RND1: variants seen among roughly 807,000 people sequenced by gnomAD.
RND1 encodes Rho family GTPase 1.
Under a neutral mutation model 27.1 loss-of-function variants are expected in RND1, and 9 were observed. The ratio of observed to expected loss-of-function variants is 0.33; its 90% CI spans 0.20 to 0.58. The LOEUF is 0.58. Among genes scored for constraint, RND1 ranks in the 20% least tolerant of loss-of-function variants. The pLI is 0.86. For synonymous variants in RND1, 108 were observed against 115.7 expected (o/e 0.93, Z 0.43); for missense variants, 253 against 292.2 (o/e 0.87, Z 0.98).
chr12:48,858,414 C>T (rs1366132390), intron 4 of RND1, 173 bp from the exon 5 acceptor site: 22 of 640,152 alleles, frequency 3.4e-5, no homozygotes, highest in African/African-American at 2.5e-4. Flanking sequence ...TTTTGGCATA[C>T]ACCCTGTCTG....
intron 2 of RND1, among the ~76,000 whole-genome samples, chr12:48,863,315 C>T (rs184294764): frequency 3.9e-5 from 6 of 152,036 alleles, no homozygotes; most frequent in African/African-American, 4.8e-5. Context: ...TTTATCCTTT[C>T]GGAAATTGGG....
chr12:48,864,640 G>T, intron 2 of RND1, 143 bp downstream of exon 2: 1 of 695,328 alleles, frequency 1.4e-6, no homozygotes. Flanking sequence ...TCCACCAACT[G>T]TCAGCCCTCC....
rs1262169341 is a variant in RND1, at chr12:48,864,836, G to A, written c.155C>T (p.Ala52Val). The change falls in exon 2 of 5, where the codon GCC becomes GTC. Residue 52 changes from alanine (A) to valine (V), a missense_variant. Physicochemically the swap from Ala to Val is moderately conservative, Grantham distance 64. Transcript: ENST00000309739. ...YVPTVFENYT[A>V]CLETEEQRVE... ...CCTCTGTTCCTCTGTCTCCAAACAG[G>A]CTGTGTAATTTTCGAACACGGTGGG... The A allele has an allele frequency of 1.2e-6, 2 of 1,613,930 alleles. No homozygotes were observed. Among genetic ancestry groups the A allele is most frequent in the East Asian group, 2.2e-5 (1 of 44,890 alleles).
chr12:48,864,416 TGCGCGCGC>T (rs57360089), intron 2 of RND1, among the ~76,000 whole-genome samples: 2 of 135,458 alleles, frequency 1.5e-5, no homozygotes, highest in Admixed American at 7.1e-5. Flanking sequence ...TGTGTGTGTG[TGCGCGCGC>T]GCGCGTGTGT....
chr12:48,863,431 G>A (rs1439588792), intron 2 of RND1, among the ~76,000 whole-genome samples: 1 of 152,116 alleles, frequency 6.6e-6, no homozygotes, highest in Non-Finnish European at 1.5e-5. Context: ...GAGGAGGTGG[G>A]GGGAGGGCGT....
chr12:48,864,416 TGCGCGCGCGCGC>T (rs57360089), intron 2 of RND1, among the ~76,000 whole-genome samples: 5 of 135,460 alleles, frequency 3.7e-5, no homozygotes, highest in African/African-American at 1.4e-4. Context: ...TGTGTGTGTG[TGCGCGCGCGCGC>T]GTGTGTGTGC....
At position 48,859,499 on chromosome 12, in the gene RND1, C is replaced by A. The variant is rs1938890114; in HGVS notation, c.454-1258G>T. Among the ~76,000 whole-genome samples the A allele has an allele frequency of 2.6e-5, 4 of 152,042 alleles. No homozygotes were observed. In the South Asian group the frequency reaches 8.3e-4, roughly 32 times the overall value. On this transcript the variant is annotated intron_variant, in intron 4 of 4. Coordinates refer to ENST00000309739, the MANE Select transcript of RND1 (RefSeq NM_014470.4). ...AGGTTGCAGTGAGCTGAGATCGCAC[C>A]ACTGCACTCCAGCCTGGGTGACAAG...
chr12:48,859,365 C>T (rs1938888253), intron 4 of RND1: 1 of 151,822 alleles, frequency 6.6e-6, no homozygotes, highest in South Asian at 2.1e-4. Flanking sequence ...ATGGTGAAAC[C>T]CCATCTCTAC....
chr12:48,857,829 C>T lies in RND1; in HGVS notation c.*167G>A, dbSNP rs1206294244. 9.7e-6 allele frequency: 7 copies of T among 723,442 alleles called. No homozygotes were observed. The highest frequency in any genetic ancestry group is 2.5e-5 in the South Asian group (1 of 39,712). 44.8% of individuals were successfully genotyped at this position (723,442 alleles called of 1,614,324 possible). A position where few individuals can be genotyped will look rare whatever the true frequency, so the allele number is the denominator to read the frequency against. On this transcript the variant is annotated 3_prime_UTR_variant, in exon 5 of 5. Transcript: ENST00000309739. ...CTCTCTCAGCGTCAGGTCCTCATGC[C>T]GGGCCTGGCTCCTTCCTCGCCCCAT...
At position 48,862,112 on chromosome 12, in the gene RND1, G is replaced by A; in HGVS notation, c.215C>T (p.Pro72Leu). The change falls in exon 3 of 5, where the codon CCC (proline) becomes CTC (leucine). Residue 72 changes from proline to leucine, a missense_variant. Pro to Leu is a moderately conservative substitution (Grantham distance 98). Coordinates refer to ENST00000309739, the MANE Select transcript of RND1 (RefSeq NM_014470.4). ...GAGTGGACGGACATTATCGTAGTAG[G>A]GAGATCCTGGTGTAGGCCAGAAAGA... is the stretch of plus-strand genomic sequence containing the variant. Reference protein sequence around the residue: ...ELSLWDTSGSPYYDNVRPLCY... With the variant: ...ELSLWDTSGSLYYDNVRPLCY... The A allele has an allele frequency of 6.2e-7, 1 of 1,601,754 alleles. No individual in the cohort carries two copies. The highest frequency in any genetic ancestry group is 8.6e-7 in the Non-Finnish European group (1 of 1,169,090).
At position 48,865,710 on chromosome 12, in the gene RND1, C is replaced by A. The variant is rs1254998824; in HGVS notation, c.58G>T (p.Gly20Trp). ...VVARCKLVLVGDVQCGKTAML... is the reference protein window; with the variant it reads ...VVARCKLVLVWDVQCGKTAML... ...GCGGTCTTCCCACACTGCACGTCCC[C>A]GACCAGAACGAGCTTACATCTGGCC... Residue 20 changes from glycine to tryptophan, a missense_variant, in exon 1 of 5, where the codon GGG becomes TGG. Gly to Trp is a radical substitution (Grantham distance 184). Transcript: ENST00000309739. The A allele has an allele frequency of 1.2e-6, 2 of 1,613,956 alleles. No homozygotes were observed. Among genetic ancestry groups the A allele is most frequent in the East Asian group, 2.2e-5 (1 of 44,874 alleles).
intron 2 of RND1, among the ~76,000 whole-genome samples, chr12:48,862,787 G>A (rs1044932576): frequency 6.6e-6 from 1 of 152,208 alleles, no homozygotes. Flanking sequence ...TTCGTTGGAA[G>A]GGAAATAGGC....
At chr12:48,864,194 G>A (rs930742018) in intron 2 of RND1, among the ~76,000 whole-genome samples, 1 of 152,108 alleles carries the variant, frequency 6.6e-6, no homozygotes, top group African/African-American at 2.4e-5. Flanking sequence ...TCATCCCCGA[G>A]CTGCAGCGGT....
chr12:48,859,968 G>A (rs1938898328), intron 4 of RND1, among the ~76,000 whole-genome samples: 2 of 152,112 alleles, frequency 1.3e-5, no homozygotes, highest in South Asian at 4.1e-4. Context: ...TGTAGAGACG[G>A]GGTTTCACCA....
chr12:48,860,738 C>T (rs994112048), intron 4 of RND1, among the ~76,000 whole-genome samples: 1 of 151,984 alleles, frequency 6.6e-6, no homozygotes, highest in Non-Finnish European at 1.5e-5. Context: ...TAACAAACAC[C>T]TCTAATGATT....
At chr12:48,865,048 C>T (rs1938969462) in intron 1 of RND1, among the ~76,000 whole-genome samples, 178 bp from the exon 2 acceptor site, 1 of 152,184 alleles carries the variant, frequency 6.6e-6, no homozygotes, top group Non-Finnish European at 1.5e-5. Flanking sequence ...TGCTCTGCAG[C>T]AGTGAGAAAT....
At chr12:48,859,020 G>C (rs1350679686) in intron 4 of RND1, 1 of 147,708 alleles carries the variant, frequency 6.8e-6, no homozygotes, top group African/African-American at 2.5e-5. Context: ...GTGCAGTGGC[G>C]CGATCTCGGC....
At chr12:48,865,217 A>C in intron 1 of RND1, 1 of 383,276 alleles carries the variant, frequency 2.6e-6, no homozygotes, top group Admixed American at 3.8e-5. Context: ...ATCTCCTCTC[A>C]AACCCCTCCC....
rs1294653584 is a variant in RND1 at position 48,865,421 on chromosome 12, G to A, written c.120+227C>T. The A allele has an allele frequency of 5.3e-6, 3 of 565,146 alleles. No homozygotes were observed. In the Admixed American group the frequency reaches 8.5e-5, roughly 16 times the overall value. The allele number at this position is 565,146 out of a possible 1,614,324, so 35.0% of individuals were successfully genotyped here. The stretch of plus-strand genomic sequence containing the variant: ...AGGGGATCTGATGGGTCCTCTGGGT[G>A]AAGAGGTGAGGAGGAGCCAGCGGGG... On this transcript the variant is annotated intron_variant, in intron 1 of 4. Transcript: ENST00000309739.
Sources: allele counts gnomAD v4.1 joint callset (sites outside exome capture counted in the v4.1 genomes callset), GRCh38; gene constraint gnomAD v4.1.1; transcripts MANE v1.5; gene names NCBI Gene and HGNC (gene_info 2026-07-23, HGNC 2026-07-21).